The following COL24A1 variants were observed in gnomAD, a reference collection of about 807,000 sequenced individuals.
COL24A1 encodes collagen type XXIV alpha 1 chain, also known as collagen alpha-1(XXIV) chain.
COL24A1 carries 224 observed loss-of-function variants against 253.9 expected under a neutral mutation model. The ratio of observed to expected loss-of-function variants is 0.88; its 90% CI spans 0.79 to 0.99. The LOEUF (loss-of-function observed/expected upper bound fraction) is 0.99. Among genes scored for constraint, COL24A1 ranks in the 50% least tolerant of loss-of-function variants. The probability of loss-of-function intolerance (pLI) is 0.00; values close to 1 mark genes in which losing one functional copy is unlikely to be tolerated. For synonymous variants in COL24A1, 685 were observed against 673.7 expected, an observed-to-expected ratio of 1.02 and a Z score of -0.26; for missense variants, 2,131 against 2,068.5, an observed-to-expected ratio of 1.03 and a Z score of -0.59.
chr1:85,923,194 G>A (rs1686742433), intron 24 of COL24A1, among the ~76,000 whole-genome samples: 1 of 152,124 alleles, frequency 6.6e-6, no homozygotes, highest in Non-Finnish European at 1.5e-5. Context: ...TCTACAAACA[G>A]ACTTAGACTC....
Position 86,125,816 on chromosome 1 carries a change from T to A in COL24A1, c.520A>T (p.Ser174Cys), listed in dbSNP as rs1446863048. Residue 174 changes from serine (S) to cysteine (C), a missense_variant, in exon 3 of 60, where the codon AGT becomes TGT. By Grantham distance (112) the Ser-to-Cys change is moderately radical (BLOSUM62 -1). Transcript: ENST00000370571. The part of the protein sequence containing the change: ...HSFAITIRNQ[S>C]VSMFVECGKK... ...CCACACTCAACAAACATTGAGACAC[T>A]TTGGTTTCTAATAGTAATGGCAAAT... 6.2e-7 allele frequency: 1 copy of A among 1,613,346 alleles called. No homozygotes were observed. Among genetic ancestry groups the A allele is most frequent in the Non-Finnish European group, 8.5e-7 (1 of 1,179,752 alleles).
At chr1:85,896,115 C>A in intron 29 of COL24A1, 50 bp from the exon 30 acceptor site, 1 of 1,570,620 alleles carries the variant, frequency 6.4e-7, no homozygotes, top group South Asian at 1.1e-5. Context: ...GAATTATGGT[C>A]TTACTATGCT....
At chr1:85,744,470 T>C (rs1163478846) in intron 57 of COL24A1, among the ~76,000 whole-genome samples, 196 bp downstream of exon 57, 2 of 151,846 alleles carry the variant, frequency 1.3e-5, no homozygotes, top group Non-Finnish European at 2.9e-5. Context: ...TATAAGCAAA[T>C]GATATAGCTA....
chr1:86,156,159 T>C (rs1295015487), intron 1 of COL24A1, 182 bp downstream of exon 1: 2 of 569,850 alleles, frequency 3.5e-6, no homozygotes, highest in Non-Finnish European at 6.3e-6. Context: ...GAGGCATCCT[T>C]TCAAACACGG....
chr1:85,897,605 T>C (rs912352316), intron 28 of COL24A1, among the ~76,000 whole-genome samples: 1 of 152,116 alleles, frequency 6.6e-6, no homozygotes, highest in Non-Finnish European at 1.5e-5. Flanking sequence ...TCAGTGTTCA[T>C]TCAATAATTA....
intron 18 of COL24A1, among the ~76,000 whole-genome samples, chr1:86,019,424 G>GTGGTGGACCATACCCAGT (rs1697286663): frequency 6.6e-6 from 1 of 151,520 alleles, no homozygotes; most frequent in African/African-American, 2.4e-5. Context: ...GCTGGGTATG[G>GTGGTGGACCATACCCAGT]TGGTGGACCT....
intron 58 of COL24A1, among the ~76,000 whole-genome samples, chr1:85,735,890 AAACAAT>A (rs1663994093): frequency 6.6e-6 from 1 of 152,196 alleles, no homozygotes; most frequent in Admixed American, 6.5e-5. Context: ...TGTAGAAGAA[AAACAAT>A]AACAACAAAA....
At chr1:86,155,573 G>C (rs12070992) in intron 1 of COL24A1, 7 of 152,326 alleles carry the variant, frequency 4.6e-5, no homozygotes, top group African/African-American at 1.7e-4. Flanking sequence ...CAGGTACAGC[G>C]CCCAAAGGGG....
chr1:85,868,888 T>C, intron 35 of COL24A1, 53 bp from the exon 36 acceptor site: 1 of 1,293,600 alleles, frequency 7.7e-7, no homozygotes, highest in Non-Finnish European at 1.1e-6. Context: ...ATATCATTTA[T>C]CTTATTTTAT....
At chr1:86,154,371 G>A (rs1227733725) in intron 1 of COL24A1, 1 of 152,488 alleles carries the variant, frequency 6.6e-6, no homozygotes, top group Non-Finnish European at 1.5e-5. Context: ...CCCTGTAACA[G>A]AACAAATTGG....
At chr1:85,863,928 T>C (rs1488918703) in intron 37 of COL24A1, among the ~76,000 whole-genome samples, 3 of 152,194 alleles carry the variant, frequency 2.0e-5, no homozygotes, top group East Asian at 1.9e-4. Context: ...TGTAGAGAAA[T>C]AGGAACACTT....
chr1:86,106,279 T>A (rs1055295583), intron 5 of COL24A1, among the ~76,000 whole-genome samples: 2 of 151,998 alleles, frequency 1.3e-5, no homozygotes, highest in Non-Finnish European at 2.9e-5. Flanking sequence ...ACTAAGATAC[T>A]ACTCTTTGGT....
chr1:86,027,844 A>C (rs4912442), intron 14 of COL24A1, among the ~76,000 whole-genome samples: 13,215 of 152,282 alleles, frequency 0.087, 706 homozygotes, highest in Middle Eastern at 0.19. Flanking sequence ...TCAATGCCAG[A>C]CCATGAAGGC....
intron 24 of COL24A1, among the ~76,000 whole-genome samples, chr1:85,920,727 G>A (rs1686366390): frequency 6.6e-6 from 1 of 151,882 alleles, no homozygotes. Flanking sequence ...AGTAAGCTCA[G>A]GAGAAAAGCC....
In COL24A1 at chr1:86,092,875, T is replaced by C. The variant is rs2101981963; in HGVS notation, c.1600-555A>G. Among the ~76,000 whole-genome samples, 4 of 152,148 alleles carry C rather than the reference T, an allele frequency of 2.6e-5. 1 individual carries two copies. In the South Asian group the frequency reaches 8.3e-4, roughly 31 times the overall value. The stretch of plus-strand genomic sequence containing the variant: ...TTAGATAAGTTTCACAGTGTGGGGA[T>C]CTTTATCTTTTACATTTCAAGATAA... On this transcript the variant is annotated intron_variant, in intron 5 of 59. Coordinates refer to ENST00000370571, the MANE Select transcript of COL24A1 (RefSeq NM_152890.7).
At chr1:85,906,435 T>A (rs1684848462) in intron 28 of COL24A1, among the ~76,000 whole-genome samples, 1 of 151,720 alleles carries the variant, frequency 6.6e-6, no homozygotes, top group Non-Finnish European at 1.5e-5. Flanking sequence ...CATATGGTAT[T>A]GAATAGCATG....
At chr1:85,948,546 A>C (rs1354061382) in intron 24 of COL24A1, among the ~76,000 whole-genome samples, 1 of 149,762 alleles carries the variant, frequency 6.7e-6, no homozygotes, top group African/African-American at 2.4e-5. Context: ...AAAAAAAAAA[A>C]AGAAACCATT....
At chr1:86,055,280 C>T (rs1212142726) in intron 10 of COL24A1, among the ~76,000 whole-genome samples, 2 of 152,082 alleles carry the variant, frequency 1.3e-5, no homozygotes, top group Non-Finnish European at 2.9e-5. Flanking sequence ...GCACATATAC[C>T]CCTAAATTTC....
Position 85,977,228 on chromosome 1 carries a change from T to G in COL24A1, c.2365-5835A>C, listed in dbSNP as rs567772570. ...GACAAATTAATCTGAACAGCAGCCC[T>G]TAAGTTCCAAATCTTTCCACTGAAA... On this transcript the variant is annotated intron_variant, in intron 20 of 59. Transcript: ENST00000370571. 4.6e-5 allele frequency among the ~76,000 whole-genome samples: 7 copies of G among 152,266 alleles called. No homozygotes were observed. The South Asian group carries it at 1.2e-3, about 27-fold the overall frequency.
Sources: gnomAD v4.1 joint callset for allele counts (sites outside exome capture counted in the v4.1 genomes callset) on GRCh38, gnomAD v4.1.1 for gene constraint, MANE v1.5 for transcripts, NCBI Gene and HGNC (gene_info 2026-07-23, HGNC 2026-07-21) for gene names.